Variants in ATR observed in about 807,000 individuals in gnomAD.
ATR encodes serine/threonine-protein kinase ATR.
Under a neutral mutation model 305.3 loss-of-function variants are expected in ATR, and 142 were observed. That is an observed-to-expected ratio of 0.47 (90% CI 0.41 to 0.53). ATR has a LOEUF of 0.53. ATR is among the 20% of genes least tolerant of loss of function. ATR has a pLI of 0.00. For synonymous variants in ATR, 1,050 were observed against 1,068.1 expected (o/e 0.98, Z 0.33); for missense variants, 2,135 against 3,133.1 (o/e 0.68, Z 7.60).
intron 32 of ATR, 34 bp from the exon 33 acceptor site, chr3:142,497,226 T>A (rs1381292242): frequency 6.3e-7 from 1 of 1,599,560 alleles, no homozygotes; most frequent in Non-Finnish European, 8.6e-7. Flanking sequence ...TAAAATGTTA[T>A]CATATTCAGC....
chr3:142,496,519 G>A lies in ATR; in HGVS notation c.5740C>T (p.Pro1914Ser), dbSNP rs368559821. 216 of 1,608,284 alleles carry A rather than the reference G, an allele frequency of 1.3e-4. No individual in the cohort carries two copies. In the South Asian group the frequency reaches 1.9e-3, roughly 14 times the overall value. Residue 1914 changes from proline to serine, a missense_variant and splice_region_variant, in exon 34 of 47, where the codon CCA becomes TCA. Pro to Ser is a moderately conservative substitution (Grantham distance 74). This residue lies in a region of ATR where 30 missense variants were observed against 26.7 expected (regional missense o/e 1.12). Transcript: ENST00000350721. The stretch of plus-strand genomic sequence containing the variant: ...TCTCCAACCATTTCATTGTAATCTG[G>A]TCTAAAGGAAGTAACAACACATTGG... ...RRALLSLNKR[P>S]DYNEMVGECW... is the part of the protein sequence containing the mutation.
At position 142,449,569 on chromosome 3, in the gene ATR, G is replaced by A; in HGVS notation, c.7795C>T (p.Leu2599=). Residue 2599 remains leucine, a synonymous_variant, in exon 47 of 47, where the codon CTA becomes TTA. Coordinates refer to ENST00000350721, the MANE Select transcript of ATR (RefSeq NM_001184.4). ...KTHVLDIEQR[L]QGVIKTRNRV... is the part of the protein sequence containing the mutation. Reference sequence around the variant, plus strand: ...TTTCGAGTCTTGATTACACCTTGTAGTCGCTGCTCAATGTCAAGAACATGG... The same window carrying A: ...TTTCGAGTCTTGATTACACCTTGTAATCGCTGCTCAATGTCAAGAACATGG... 6.2e-7 allele frequency: 1 copy of A among 1,614,122 alleles called. No homozygotes were observed. The highest frequency in any genetic ancestry group is 8.5e-7 in the Non-Finnish European group (1 of 1,180,004).
chr3:142,534,517 A>G (rs546055539), intron 21 of ATR, among the ~76,000 whole-genome samples: 11 of 152,270 alleles, frequency 7.2e-5, no homozygotes, highest in Non-Finnish European at 1.5e-4. Flanking sequence ...CTAGATATGC[A>G]AAAATGAGTA....
chr3:142,485,009 T>C (rs2030819222), intron 36 of ATR, 131 bp downstream of exon 36: 35 of 1,340,082 alleles, frequency 2.6e-5, no homozygotes, highest in Non-Finnish European at 3.6e-5. Context: ...TTACATCTTA[T>C]CTAAGGTGAT....
At position 142,561,266 on chromosome 3, in the gene ATR, T is replaced by C. The variant is rs28897765; in HGVS notation, c.1326A>G (p.Lys442=). 0.02 allele frequency: 31,742 copies of C among 1,613,898 alleles called. 400 individuals carry two copies. The highest frequency in any genetic ancestry group is 0.041 in the South Asian group (3,751 of 91,072). The change falls in exon 5 of 47, where the codon AAA becomes AAG. Residue 442 remains lysine (K), a synonymous_variant. Transcript: ENST00000350721. ...RRLSSSLNPS[K]RAPKQTEEIK... Reference sequence around the variant, plus strand: ...ACTCCTCAGTCTGTTTTGGTGCTCTTTTAGAAGGGTTTAGAGACGAGCTGA... The same window carrying C: ...ACTCCTCAGTCTGTTTTGGTGCTCTCTTAGAAGGGTTTAGAGACGAGCTGA...
chr3:142,455,153 A>G (rs1459550057), intron 45 of ATR, among the ~76,000 whole-genome samples: 5 of 152,210 alleles, frequency 3.3e-5, no homozygotes, highest in Non-Finnish European at 5.9e-5. Flanking sequence ...AATTAAGAAA[A>G]ATTCCATTTA....
In ATR at chr3:142,555,939, G is replaced by A. The variant is rs140901705; in HGVS notation, c.2279C>T (p.Ala760Val). 1.2e-6 allele frequency: 2 copies of A among 1,612,976 alleles called. No homozygotes were observed. The highest frequency in any genetic ancestry group is 2.2e-5 in the East Asian group (1 of 44,836). The change falls in exon 10 of 47, where the codon GCT (alanine) becomes GTT (valine). Residue 760 changes from alanine (A) to valine (V), a missense_variant. Physicochemically the swap from Ala to Val is moderately conservative, Grantham distance 64. Transcript: ENST00000350721. ...QHECSSSQLK[A>V]SVCKPFLFLL... is the part of the protein sequence containing the mutation. ...GAAAAGGAATGGCTTGCAGACAGAAGCTTTTAGTTGAGAAGATGAACATTC... is the reference window on the plus strand; with the variant it reads ...GAAAAGGAATGGCTTGCAGACAGAAACTTTTAGTTGAGAAGATGAACATTC...
intron 23 of ATR, among the ~76,000 whole-genome samples, chr3:142,521,889 A>T (rs558892350): frequency 1.3e-5 from 2 of 152,354 alleles, no homozygotes; most frequent in South Asian, 4.1e-4. Context: ...AGAACATTAC[A>T]TAAACTTAGT....
chr3:142,452,335 C>G lies in ATR; in HGVS notation c.7761+793G>C, dbSNP rs1342262645. On this transcript the variant is annotated intron_variant, in intron 46 of 46. Coordinates refer to ENST00000350721, the MANE Select transcript of ATR (RefSeq NM_001184.4). ...AGACTTATTAAAGATGTAAGAGTGC[C>G]CCCCACCAAAAAAAACGAATCCTCA... 3.0e-5 allele frequency: 30 copies of G among 986,334 alleles called. 1 individual carries two copies. 61.1% of individuals were successfully genotyped at this position (986,334 alleles called of 1,614,324 possible). A position where few individuals can be genotyped will look rare whatever the true frequency, so the allele number is the denominator to read the frequency against.
chr3:142,466,624 G>T, intron 39 of ATR, 91 bp from the exon 40 acceptor site: 1 of 1,222,662 alleles, frequency 8.2e-7, no homozygotes, highest in Non-Finnish European at 1.2e-6. Context: ...GATTACAAAG[G>T]TTCAGCAGTC....
intron 3 of ATR, 44 bp downstream of exon 3, chr3:142,566,077 T>G (rs1367469915): frequency 1.9e-6 from 3 of 1,612,590 alleles, no homozygotes; most frequent in South Asian, 2.2e-5. Flanking sequence ...AAGGAGGATT[T>G]TATAGAACAG....
At chr3:142,490,199 T>C (rs919286300) in intron 35 of ATR, among the ~76,000 whole-genome samples, 6 of 152,174 alleles carry the variant, frequency 3.9e-5, no homozygotes, top group Admixed American at 1.3e-4. Flanking sequence ...GCTAAAACTA[T>C]AGGCATTCGT....
chr3:142,462,893 C>A (rs1370800253), intron 41 of ATR, among the ~76,000 whole-genome samples: 2 of 152,136 alleles, frequency 1.3e-5, no homozygotes, highest in African/African-American at 4.8e-5. Flanking sequence ...CAGAAGAAAG[C>A]CTTACATATT....
intron 36 of ATR, among the ~76,000 whole-genome samples, chr3:142,473,773 T>C: frequency 6.6e-6 from 1 of 151,978 alleles, no homozygotes; most frequent in East Asian, 1.9e-4. Flanking sequence ...CTTGAACTCC[T>C]GAGCTCAGGC....
intron 30 of ATR, among the ~76,000 whole-genome samples, chr3:142,502,312 A>G (rs942917308): frequency 7.9e-5 from 12 of 152,194 alleles, no homozygotes; most frequent in Non-Finnish European, 5.9e-5. Flanking sequence ...CATGAAATCA[A>G]CCTAAGTGCC....
rs2108462397 is a variant in ATR at position 142,553,323 on chromosome 3, G to C, written c.2709C>G (p.Val903=). 6.2e-7 allele frequency: 1 copy of C among 1,613,942 alleles called. No homozygotes were observed. The highest frequency in any genetic ancestry group is 8.5e-7 in the Non-Finnish European group (1 of 1,179,920). Residue 903 remains valine, a synonymous_variant, in exon 13 of 47, where the codon GTC becomes GTG. Transcript: ENST00000350721. ...LHCLLSKSAS[V]SGAAYTEIRA... ...TAATTTCTGTGTATGCTGCTCCAGA[G>C]ACAGATGCTGACTTGGATAACAAAC...
intron 36 of ATR, among the ~76,000 whole-genome samples, chr3:142,482,939 C>T (rs1160970761): frequency 6.7e-6 from 1 of 148,200 alleles, no homozygotes; most frequent in African/African-American, 2.5e-5. Flanking sequence ...TTTTTTTTCT[C>T]GTGTGACACA....
chr3:142,555,771 A>G, intron 10 of ATR, 106 bp downstream of exon 10: 2 of 1,342,668 alleles, frequency 1.5e-6, no homozygotes, highest in Non-Finnish European at 2.0e-6. Flanking sequence ...TCTATAAAGC[A>G]TGTAACTTCC....
chr3:142,555,800 C>A (rs2034648158), intron 10 of ATR, 77 bp downstream of exon 10: 1 of 1,487,192 alleles, frequency 6.7e-7, no homozygotes. Flanking sequence ...TTCAAGGCTT[C>A]AGTCTAATTC....
Sources: allele counts gnomAD v4.1 joint callset (sites outside exome capture counted in the v4.1 genomes callset), GRCh38; gene constraint gnomAD v4.1.1; regional missense constraint gnomAD v4.1.1; transcripts MANE v1.5; gene names NCBI Gene and HGNC (gene_info 2026-07-23, HGNC 2026-07-21).